HEPHL1: variants seen among roughly 807,000 people sequenced by gnomAD.
HEPHL1 encodes hephaestin like 1.
HEPHL1 carries 123 observed loss-of-function variants against 122.0 expected under a neutral mutation model. That is an observed-to-expected ratio of 1.01 (90% CI 0.87 to 1.17). The LOEUF (loss-of-function observed/expected upper bound fraction) is 1.17. Among genes scored for constraint, HEPHL1 ranks in the 50% most tolerant of loss-of-function variants. HEPHL1 has a pLI of 0.00. For synonymous variants in HEPHL1, 527 were observed against 508.9 expected (o/e 1.04, Z -0.48); for missense variants, 1,452 against 1,430.5 (o/e 1.01, Z -0.24).
In HEPHL1 at chr11:94,113,250, T is replaced by TGAGA. The variant is rs2134458351; in HGVS notation, c.*1357_*1360dup. 1 of 152,330 alleles carries TGAGA rather than the reference T, an allele frequency of 6.6e-6. No homozygotes were observed. Among genetic ancestry groups the TGAGA allele is most frequent in the African/African-American group, 2.4e-5 (1 of 41,578 alleles). The allele number at this position is 152,330 out of a possible 1,614,324, so 9.4% of individuals were successfully genotyped here. A position where few individuals can be genotyped will look rare whatever the true frequency, so the allele number is the denominator to read the frequency against. ...GCTTTTAGCTCTGGGCGAGATGCCCTGAGATTCCAATGCCAATGCTAGATG... is the reference window on the plus strand; with the variant it reads ...GCTTTTAGCTCTGGGCGAGATGCCCTGAGAGAGATTCCAATGCCAATGCTAGATG... On this transcript the variant is annotated 3_prime_UTR_variant, in exon 20 of 20. Transcript: ENST00000315765.
intron 9 of HEPHL1, among the ~76,000 whole-genome samples, chr11:94,077,675 T>G (rs1382142567): frequency 1.3e-5 from 2 of 152,238 alleles, no homozygotes; most frequent in African/African-American, 4.8e-5. Flanking sequence ...TGTTCAACAC[T>G]TCCAGTGGTT....
At chr11:94,093,352 G>C (rs573177657) in intron 12 of HEPHL1, 149 bp from the exon 13 acceptor site, 4 of 823,234 alleles carry the variant, frequency 4.9e-6, no homozygotes, top group East Asian at 2.4e-5. Flanking sequence ...CTCCCAGAAA[G>C]TATGGTGCAA....
At chr11:94,033,236 G>A (rs1945691807) in intron 1 of HEPHL1, among the ~76,000 whole-genome samples, 1 of 152,110 alleles carries the variant, frequency 6.6e-6, no homozygotes, top group South Asian at 2.1e-4. Flanking sequence ...CCCCTTAGTT[G>A]AATTGAATTC....
intron 1 of HEPHL1, among the ~76,000 whole-genome samples, chr11:94,033,035 C>T (rs984823750): frequency 6.6e-6 from 1 of 152,176 alleles, no homozygotes; most frequent in African/African-American, 2.4e-5. Context: ...GGAGAAGTGA[C>T]ACAAGAGCCC....
chr11:94,073,517 T>A, intron 8 of HEPHL1, 78 bp downstream of exon 8: 2 of 1,409,714 alleles, frequency 1.4e-6, no homozygotes, highest in South Asian at 2.6e-5. Context: ...CTGGTTCAAA[T>A]CCTGGTCCTT....
chr11:94,079,973 A>G (rs1401870081), intron 9 of HEPHL1, among the ~76,000 whole-genome samples: 2 of 152,186 alleles, frequency 1.3e-5, no homozygotes, highest in Admixed American at 6.5e-5. Context: ...ACCAAAAAGG[A>G]GCCCATATAG....
At chr11:94,029,067 G>A (rs148387797) in intron 1 of HEPHL1, among the ~76,000 whole-genome samples, 1,681 of 152,250 alleles carry the variant, frequency 0.011, 32 homozygotes, top group African/African-American at 0.038. Context: ...AGCCTCAAGT[G>A]ATCCTCCCAC....
At position 94,025,178 on chromosome 11, in the gene HEPHL1, A is replaced by G. The variant is rs563515742; in HGVS notation, c.170+3640A>G. Among the ~76,000 whole-genome samples, 10 of 152,274 alleles carry G rather than the reference A, an allele frequency of 6.6e-5. No homozygotes were observed. The East Asian group carries it at 1.9e-3, about 29-fold the overall frequency. ...TACCTATGCTTGATTATAGGGTTCA[A>G]AAATATAATTGAGTCTATAATCACT... On this transcript the variant is annotated intron_variant, in intron 1 of 19. Transcript: ENST00000315765.
At chr11:94,050,503 GTTTC>G (rs1482369255) in intron 2 of HEPHL1, among the ~76,000 whole-genome samples, 2 of 152,082 alleles carry the variant, frequency 1.3e-5, no homozygotes, top group African/African-American at 2.4e-5. Context: ...GATTGAGAAA[GTTTC>G]TTTCTTTTTT....
intron 4 of HEPHL1, 149 bp downstream of exon 4, chr11:94,064,659 G>T: frequency 1.7e-6 from 1 of 605,536 alleles, no homozygotes; most frequent in Non-Finnish European, 2.9e-6. Flanking sequence ...TACAATACAT[G>T]ACACATGTTT....
intron 9 of HEPHL1, among the ~76,000 whole-genome samples, chr11:94,082,119 A>G (rs1946175354): frequency 6.6e-6 from 1 of 152,194 alleles, no homozygotes; most frequent in Non-Finnish European, 1.5e-5. Flanking sequence ...AGGTCAGGGT[A>G]AGGAGAAAAA....
chr11:94,073,287 T>C, intron 7 of HEPHL1, 21 bp from the exon 8 acceptor site: 3 of 1,609,264 alleles, frequency 1.9e-6, no homozygotes, highest in Non-Finnish European at 2.5e-6. Context: ...CTTCTCTCTC[T>C]TCTTCTGGAT....
Position 94,088,985 on chromosome 11 carries a change from C to T in HEPHL1, c.2294+17C>T, listed in dbSNP as rs529237945. 1.2e-5 allele frequency: 19 copies of T among 1,609,738 alleles called. No homozygotes were observed. The highest frequency in any genetic ancestry group is 9.9e-5 in the South Asian group (9 of 90,972). On this transcript the variant is annotated intron_variant, in intron 12 of 19. Transcript: ENST00000315765. ...AGGGGAAAGGTACCACAGGCGCCGC[C>T]GCTAGGGCTCCTCGGTGGGATCGCG...
intron 1 of HEPHL1, among the ~76,000 whole-genome samples, chr11:94,036,042 T>C (rs1945719358): frequency 6.6e-6 from 1 of 152,170 alleles, no homozygotes; most frequent in Non-Finnish European, 1.5e-5. Flanking sequence ...AGCCTGAAAG[T>C]CTCTTTTAAA....
Position 94,075,338 on chromosome 11 carries a change from C to A in HEPHL1, c.1669C>A (p.Pro557Thr). The change falls in exon 9 of 20, where the codon CCT becomes ACT. Residue 557 changes from proline (P) to threonine (T), a missense_variant. Transcript: ENST00000315765. ...GGACACCAGCTCTGGCCTGGTAGGG[C>A]CTTTGCTAGTCTGTAAAAAGGGCGT... The part of the protein sequence containing the change: ...IKDTSSGLVG[P>T]LLVCKKGVLN... 2 of 1,613,354 alleles carry A rather than the reference C, an allele frequency of 1.2e-6. No homozygotes were observed. Among genetic ancestry groups the A allele is most frequent in the Non-Finnish European group, 8.5e-7 (1 of 1,179,596 alleles).
intron 1 of HEPHL1, among the ~76,000 whole-genome samples, chr11:94,043,213 T>C (rs978496022): frequency 2.0e-5 from 3 of 151,918 alleles, no homozygotes; most frequent in African/African-American, 7.3e-5. Context: ...AAGTAGGAGT[T>C]GATTAGAGGG....
intron 13 of HEPHL1, among the ~76,000 whole-genome samples, chr11:94,096,380 C>T (rs529471101): frequency 4.5e-4 from 69 of 152,324 alleles, no homozygotes; most frequent in South Asian, 2.9e-3. Context: ...CCCACTTGAT[C>T]ATGGTGGATA....
At chr11:94,072,540 C>T (rs574967342) in intron 6 of HEPHL1, among the ~76,000 whole-genome samples, 10 of 152,178 alleles carry the variant, frequency 6.6e-5, no homozygotes, top group Admixed American at 1.3e-4. Flanking sequence ...TTTTGCATTT[C>T]ATGCATATGG....
intron 2 of HEPHL1, among the ~76,000 whole-genome samples, chr11:94,054,231 G>A (rs780347909): frequency 2.6e-5 from 4 of 152,182 alleles, no homozygotes; most frequent in Non-Finnish European, 5.9e-5. Flanking sequence ...TCTTTGGCAG[G>A]CATGTTTAGC....
Sources: gnomAD v4.1 joint callset for allele counts (sites outside exome capture counted in the v4.1 genomes callset) on GRCh38, gnomAD v4.1.1 for gene constraint, MANE v1.5 for transcripts, NCBI Gene and HGNC (gene_info 2026-07-23, HGNC 2026-07-21) for gene names.